CFAP58: variants seen among roughly 807,000 people sequenced by gnomAD.
CFAP58 encodes cilia- and flagella-associated protein 58.
Under a neutral mutation model 119.5 loss-of-function variants are expected in CFAP58, and 88 were observed. The ratio of observed to expected loss-of-function variants is 0.74; its 90% confidence interval spans 0.62 to 0.88. The LOEUF is 0.88. CFAP58 is among the 40% of genes least tolerant of loss of function. The pLI is 0.00. For missense variants in CFAP58, 990 were observed against 1,021.2 expected (o/e 0.97, Z 0.42); for synonymous variants, 365 against 366.3 (o/e 1.00, Z 0.04).
Position 104,356,203 on chromosome 10 carries a change from G to C in CFAP58, c.10-2138G>C, listed in dbSNP as rs117944694. 9.2e-5 allele frequency among the ~76,000 whole-genome samples: 14 copies of C among 152,300 alleles called. No homozygotes were observed. In the East Asian group the frequency reaches 2.5e-3, roughly 27 times the overall value. ...TATACAAAATGCTATAGATATGCTT[G>C]TGACTCTACATTTATTTTAATTTAC... On this transcript the variant is annotated intron_variant, in intron 1 of 17. Coordinates refer to ENST00000369704, the MANE Select transcript of CFAP58 (RefSeq NM_001008723.2).
At chr10:104,434,241 T>G (rs571202302) in intron 15 of CFAP58, among the ~76,000 whole-genome samples, 1 of 152,354 alleles carries the variant, frequency 6.6e-6, no homozygotes, top group Admixed American at 6.5e-5. Context: ...TATGGGTAAC[T>G]GGATTCCTTC....
intron 15 of CFAP58, among the ~76,000 whole-genome samples, chr10:104,440,044 G>T (rs1029312990): frequency 6.6e-6 from 1 of 152,070 alleles, no homozygotes; most frequent in Admixed American, 6.5e-5. Flanking sequence ...GGATGGCCTC[G>T]ATCTCCTGAC....
chr10:104,409,893 T>C (rs1443376117), intron 15 of CFAP58, among the ~76,000 whole-genome samples: 2 of 152,150 alleles, frequency 1.3e-5, no homozygotes, highest in African/African-American at 4.8e-5. Flanking sequence ...TTATTGATAA[T>C]TTTAGGTTTA....
rs1564876292 is a variant in CFAP58 at position 104,357,990 on chromosome 10, T to TATAC, written c.10-348_10-347insCATA. 1.2e-3 allele frequency among the ~76,000 whole-genome samples: 171 copies of TATAC among 143,038 alleles called. 2 individuals are homozygous for TATAC. The East Asian group carries it at 0.025, about 21-fold the overall frequency. 93.8% of individuals were successfully genotyped at this position (143,038 alleles called of 152,430 possible). On this transcript the variant is annotated intron_variant, in intron 1 of 17. Coordinates refer to ENST00000369704, the MANE Select transcript of CFAP58 (RefSeq NM_001008723.2). ...GTACACATATGTACATATGTACACA[T>TATAC]ATATGTACACATATATACACATATA...
intron 15 of CFAP58, among the ~76,000 whole-genome samples, chr10:104,435,673 C>A (rs1262210650): frequency 1.3e-5 from 2 of 152,126 alleles, no homozygotes; most frequent in Non-Finnish European, 2.9e-5. Flanking sequence ...TCTCCTGTTC[C>A]CTAGAATGTT....
intron 15 of CFAP58, among the ~76,000 whole-genome samples, chr10:104,439,066 A>G (rs1346462210): frequency 1.3e-5 from 2 of 152,210 alleles, no homozygotes; most frequent in African/African-American, 4.8e-5. Context: ...AAACTAAGTA[A>G]CAGATATGTG....
intron 16 of CFAP58, among the ~76,000 whole-genome samples, chr10:104,448,142 G>A (rs2013139558): frequency 6.6e-6 from 1 of 152,220 alleles, no homozygotes; most frequent in Admixed American, 6.5e-5. Context: ...TACTTGAAGG[G>A]CAGGGAGGAG....
chr10:104,357,916 TATATGTAC>T (rs1564875917), intron 1 of CFAP58, among the ~76,000 whole-genome samples: 2 of 114,834 alleles, frequency 1.7e-5, no homozygotes, highest in African/African-American at 8.2e-5. Context: ...TATACACACA[TATATGTAC>T]ACATATACAC....
intron 17 of CFAP58, among the ~76,000 whole-genome samples, chr10:104,452,589 T>C (rs2013213324): frequency 6.6e-6 from 1 of 152,232 alleles, no homozygotes; most frequent in African/African-American, 2.4e-5. Flanking sequence ...TCAGCCCTTC[T>C]TGATGGGTCC....
At chr10:104,371,083 A>G in intron 7 of CFAP58, 29 bp downstream of exon 7, 1 of 1,584,386 alleles carries the variant, frequency 6.3e-7, no homozygotes, top group East Asian at 2.3e-5. Context: ...TTATTCATTT[A>G]GAAACATTTT....
intron 3 of CFAP58, among the ~76,000 whole-genome samples, chr10:104,363,169 G>A (rs1470985154): frequency 3.3e-5 from 5 of 152,142 alleles, no homozygotes; most frequent in African/African-American, 1.2e-4. Flanking sequence ...TTTACCTCCA[G>A]TATGGCACTG....
chr10:104,395,549 G>A (rs976156930), intron 11 of CFAP58, among the ~76,000 whole-genome samples: 2 of 152,306 alleles, frequency 1.3e-5, no homozygotes, highest in Non-Finnish European at 1.5e-5. Context: ...ATGGTGCTCC[G>A]ACTGGATAAT....
chr10:104,372,135 C>G (rs2014832534), intron 7 of CFAP58, among the ~76,000 whole-genome samples: 1 of 152,056 alleles, frequency 6.6e-6, no homozygotes, highest in Admixed American at 6.6e-5. Context: ...GGCGGATCAC[C>G]TGAGGTCAGG....
At chr10:104,418,315 G>A (rs951379496) in intron 15 of CFAP58, among the ~76,000 whole-genome samples, 21 of 152,134 alleles carry the variant, frequency 1.4e-4, no homozygotes, top group Non-Finnish European at 2.4e-4. Flanking sequence ...TTGGGAGGCC[G>A]AGGCAGGTGG....
Position 104,380,204 on chromosome 10 carries a change from G to A in CFAP58, c.1349G>A (p.Ser450Asn). Reference protein sequence around the residue: ...KERDRYINQASDLTQKVLMNM... With the variant: ...KERDRYINQANDLTQKVLMNM... Reference sequence around the variant, plus strand: ...CGTGACCGGTACATCAACCAAGCCAGTGACCTTACGCAAAAGGTAAGCTGC... The same window carrying A: ...CGTGACCGGTACATCAACCAAGCCAATGACCTTACGCAAAAGGTAAGCTGC... Residue 450 changes from serine (S) to asparagine (N), a missense_variant, in exon 9 of 18, where the codon AGT becomes AAT. Physicochemically the swap from Ser to Asn is conservative, Grantham distance 46 (BLOSUM62 1). Transcript: ENST00000369704. The A allele has an allele frequency of 6.2e-7, 1 of 1,613,828 alleles. No individual in the cohort carries two copies. The highest frequency in any genetic ancestry group is 8.5e-7 in the Non-Finnish European group (1 of 1,179,874).
At chr10:104,387,081 G>T (rs752591688) in intron 9 of CFAP58, among the ~76,000 whole-genome samples, 5 of 152,212 alleles carry the variant, frequency 3.3e-5, no homozygotes, top group Non-Finnish European at 4.4e-5. Context: ...TGAGGAAGAA[G>T]ATCCCCTTTT....
chr10:104,368,454 A>T lies in CFAP58; in HGVS notation c.824A>T (p.Glu275Val), dbSNP rs771115852. ...AATGAGAGAGCTGCAAAGGAACTCGAGCAATTTCAGATGAGAAATGCTAAA... is the reference window on the plus strand; with the variant it reads ...AATGAGAGAGCTGCAAAGGAACTCGTGCAATTTCAGATGAGAAATGCTAAA... ...ILNERAAKEL[E>V]QFQMRNAKLQ... The change falls in exon 6 of 18, where the codon GAG becomes GTG. Residue 275 changes from glutamate to valine, a missense_variant. By Grantham distance (121) the Glu-to-Val change is moderately radical. Coordinates refer to ENST00000369704, the MANE Select transcript of CFAP58 (RefSeq NM_001008723.2). The T allele has an allele frequency of 1.2e-6, 2 of 1,613,996 alleles. No homozygotes were observed.
chr10:104,358,958 T>A (rs184576825), intron 2 of CFAP58, among the ~76,000 whole-genome samples: 46 of 152,356 alleles, frequency 3.0e-4, no homozygotes, highest in Non-Finnish European at 5.6e-4. Flanking sequence ...ATGATGGTAG[T>A]TTAACTGTTA....
At position 104,365,913 on chromosome 10, in the gene CFAP58, G is replaced by C. The variant is rs923371155; in HGVS notation, c.697G>C (p.Asp233His). 9.3e-6 allele frequency: 15 copies of C among 1,613,532 alleles called. No individual in the cohort carries two copies. Among genetic ancestry groups the C allele is most frequent in the Non-Finnish European group, 1.1e-5 (13 of 1,179,808 alleles). The change falls in exon 5 of 18, where the codon GAC becomes CAC. Residue 233 changes from aspartate (D) to histidine (H), a missense_variant. Physicochemically the swap from Asp to His is moderately conservative, Grantham distance 81. Transcript: ENST00000369704. The stretch of plus-strand genomic sequence containing the variant: ...GCTCAAGCAGATTCAGGCAGACATG[G>C]ACAGCAGGCAGACAGAAATAAAAGC... ...KELKQIQADMDSRQTEIKALQ... is the reference protein window; with the variant it reads ...KELKQIQADMHSRQTEIKALQ...
Sources: allele counts gnomAD v4.1 joint callset (sites outside exome capture counted in the v4.1 genomes callset), GRCh38; gene constraint gnomAD v4.1.1; transcripts MANE v1.5; gene names NCBI Gene and HGNC (gene_info 2026-07-23, HGNC 2026-07-21).